NCAM2: variants seen among roughly 807,000 people sequenced by gnomAD.
NCAM2 encodes the protein N-CAM-2.
A neutral mutation model predicts 98.1 loss-of-function variants in NCAM2; 30 were observed. That is an observed-to-expected ratio of 0.31 (90% CI 0.23 to 0.41). The LOEUF (loss-of-function observed/expected upper bound fraction) is 0.41, where lower values mean the gene tolerates loss of function less well. Ranked by LOEUF, NCAM2 falls within the 10% of genes least tolerant of loss-of-function variation. The pLI is 1.00. For missense variants in NCAM2, 867 were observed against 1,005.8 expected (o/e 0.86, Z 1.87); for synonymous variants, 368 against 342.4 (o/e 1.07, Z -0.83).
rs11384165 is a variant in NCAM2 at position 21,082,281 on chromosome 21, C to CAAAAA, written c.55+83672_55+83676dup. On this transcript the variant is annotated intron_variant, in intron 1 of 17. Coordinates refer to ENST00000400546, the MANE Select transcript of NCAM2 (RefSeq NM_004540.5). ...GCTTTGTACCTATCAGAGCTCAAAACAAAAAAAAAAAAACAAAACAAAAAC... is the reference window on the plus strand; with the variant it reads ...GCTTTGTACCTATCAGAGCTCAAAACAAAAAAAAAAAAAAAAAACAAAACAAAAAC... Among the ~76,000 whole-genome samples, 36 of 127,864 alleles carry CAAAAA rather than the reference C, an allele frequency of 2.8e-4. 1 individual carries two copies. The highest frequency in any genetic ancestry group is 5.8e-4 in the Admixed American group (7 of 12,014). 83.9% of individuals were successfully genotyped at this position (127,864 alleles called of 152,430 possible). A position where few individuals can be genotyped will look rare whatever the true frequency, so the allele number is the denominator to read the frequency against.
At chr21:21,348,342 C>T (rs2075244107) in intron 8 of NCAM2, among the ~76,000 whole-genome samples, 2 of 151,912 alleles carry the variant, frequency 1.3e-5, no homozygotes, top group African/African-American at 4.8e-5. Context: ...TAAAAAATAT[C>T]CCATTTGCAA....
chr21:21,265,485 T>TAC lies in NCAM2; in HGVS notation c.56-15089_56-15088dup, dbSNP rs1444600026. ...TATATGTGTGTATATATATTATATA[T>TAC]ACACATATATAATATATGTGTGTAT... On this transcript the variant is annotated intron_variant, in intron 1 of 17. Coordinates refer to ENST00000400546, the MANE Select transcript of NCAM2 (RefSeq NM_004540.5). 3.9e-4 allele frequency among the ~76,000 whole-genome samples: 55 copies of TAC among 139,500 alleles called. 1 individual carries two copies. The highest frequency in any genetic ancestry group is 2.2e-3 in the South Asian group (10 of 4,642). 91.5% of individuals were successfully genotyped at this position (139,500 alleles called of 152,430 possible). A position where few individuals can be genotyped will look rare whatever the true frequency, so the allele number is the denominator to read the frequency against.
rs556676831 is a variant in NCAM2 at position 21,539,980 on chromosome 21, C to A, written c.*2023C>A. On this transcript the variant is annotated 3_prime_UTR_variant, in exon 18 of 18. Coordinates refer to ENST00000400546, the MANE Select transcript of NCAM2 (RefSeq NM_004540.5). ...AAATACTTGAATTAGTTTGTTTGTG[C>A]AAAGTGTACAAGCTTAGTAAAGTGT... 1.3e-5 allele frequency: 2 copies of A among 152,076 alleles called. No individual in the cohort carries two copies. Among genetic ancestry groups the A allele is most frequent in the South Asian group, 4.1e-4 (2 of 4,820 alleles). The allele number at this position is 152,076 out of a possible 1,614,324, so 9.4% of individuals were successfully genotyped here.
intron 1 of NCAM2, among the ~76,000 whole-genome samples, chr21:21,001,461 G>A (rs763183634): frequency 1.3e-5 from 2 of 152,124 alleles, no homozygotes; most frequent in Non-Finnish European, 2.9e-5. Context: ...TTTCCTTTGT[G>A]TTCAAAACTT....
chr21:21,351,858 C>G (rs557268960), intron 8 of NCAM2, among the ~76,000 whole-genome samples: 2 of 152,160 alleles, frequency 1.3e-5, no homozygotes, highest in South Asian at 2.1e-4. Flanking sequence ...GTGATTCTCC[C>G]GCCTCAGCCT....
chr21:21,479,128 A>G (rs1018887186), intron 15 of NCAM2, among the ~76,000 whole-genome samples: 1 of 151,110 alleles, frequency 6.6e-6, no homozygotes, highest in African/African-American at 2.4e-5. Flanking sequence ...TATATTTTGA[A>G]ACATAATGAA....
intron 5 of NCAM2, among the ~76,000 whole-genome samples, chr21:21,318,034 G>A (rs932227607): frequency 6.6e-6 from 1 of 152,088 alleles, no homozygotes; most frequent in Admixed American, 6.6e-5. Flanking sequence ...TTCTCCATTA[G>A]CACAATCCAA....
chr21:21,202,493 C>T (rs915167728), intron 1 of NCAM2, among the ~76,000 whole-genome samples: 3 of 147,704 alleles, frequency 2.0e-5, no homozygotes, highest in African/African-American at 5.0e-5. Flanking sequence ...CTTGGCTCAC[C>T]GCAACCTCCA....
chr21:21,352,970 C>T (rs1343574417), intron 8 of NCAM2, among the ~76,000 whole-genome samples: 1 of 152,060 alleles, frequency 6.6e-6, no homozygotes, highest in Non-Finnish European at 1.5e-5. Flanking sequence ...TTTCCTGCCT[C>T]AGCCTCCTGA....
At chr21:21,521,529 C>G (rs576204719) in intron 16 of NCAM2, among the ~76,000 whole-genome samples, 1 of 152,094 alleles carries the variant, frequency 6.6e-6, no homozygotes, top group African/African-American at 2.4e-5. Flanking sequence ...AGAACTCTAA[C>G]AGGTAAGGTA....
At chr21:21,159,687 A>G (rs2067723089) in intron 1 of NCAM2, among the ~76,000 whole-genome samples, 1 of 152,108 alleles carries the variant, frequency 6.6e-6, no homozygotes, top group Admixed American at 6.6e-5. Flanking sequence ...CGTTCACACA[A>G]TGACGAAATT....
At chr21:21,437,819 T>G (rs1310846942) in intron 12 of NCAM2, among the ~76,000 whole-genome samples, 1 of 152,130 alleles carries the variant, frequency 6.6e-6, no homozygotes, top group East Asian at 1.9e-4. Flanking sequence ...GAAAATGATA[T>G]GCATAATTTC....
intron 1 of NCAM2, among the ~76,000 whole-genome samples, chr21:21,121,806 C>T (rs539960793): frequency 1.3e-4 from 20 of 152,200 alleles, no homozygotes; most frequent in Non-Finnish European, 2.6e-4. Flanking sequence ...GCCCATGGAT[C>T]GATCTGCTGC....
intron 1 of NCAM2, among the ~76,000 whole-genome samples, chr21:21,173,397 C>T (rs546219932): frequency 3.3e-5 from 5 of 151,958 alleles, no homozygotes; most frequent in Non-Finnish European, 4.4e-5. Context: ...CTTTTTTTTC[C>T]GTTTCATTTA....
At chr21:21,446,007 G>A (rs988726102) in intron 12 of NCAM2, among the ~76,000 whole-genome samples, 1 of 152,114 alleles carries the variant, frequency 6.6e-6, no homozygotes, top group African/African-American at 2.4e-5. Flanking sequence ...TCCTTCAGGA[G>A]CTTTTGCAGG....
At chr21:21,034,338 T>C in intron 1 of NCAM2, among the ~76,000 whole-genome samples, 1 of 152,186 alleles carries the variant, frequency 6.6e-6, no homozygotes, top group East Asian at 1.9e-4. Flanking sequence ...TATTTTAAGC[T>C]AGTTTTTCTA....
chr21:21,394,045 G>A (rs1038529831), intron 9 of NCAM2, among the ~76,000 whole-genome samples: 7 of 152,086 alleles, frequency 4.6e-5, no homozygotes, highest in Non-Finnish European at 8.8e-5. Context: ...TCACATATAG[G>A]TATTCCTTAA....
chr21:21,463,016 G>A (rs1235149266), intron 12 of NCAM2, among the ~76,000 whole-genome samples: 3 of 152,028 alleles, frequency 2.0e-5, no homozygotes, highest in Non-Finnish European at 2.9e-5. Context: ...TTCAGTTTAA[G>A]GTTCTGTTGT....
intron 3 of NCAM2, among the ~76,000 whole-genome samples, chr21:21,285,837 G>A (rs570111195): frequency 3.9e-5 from 6 of 152,038 alleles, no homozygotes; most frequent in South Asian, 2.1e-4. Context: ...GGGGTAGAGA[G>A]ATAGAGAACC....
Sources: allele counts gnomAD v4.1 joint callset (sites outside exome capture counted in the v4.1 genomes callset), GRCh38; gene constraint gnomAD v4.1.1; transcripts MANE v1.5; gene names NCBI Gene and HGNC (gene_info 2026-07-23, HGNC 2026-07-21).